Variants in NCKAP5 observed in about 807,000 individuals in gnomAD.
NCKAP5 encodes the protein NCK associated protein 5, also known as nck-associated protein 5.
NCKAP5 carries 92 observed loss-of-function variants against 167.0 expected under a neutral mutation model. The observed-to-expected ratio is 0.55, with a 90% CI of 0.47 to 0.66. The LOEUF (loss-of-function observed/expected upper bound fraction) is 0.66. Among genes scored for constraint, NCKAP5 ranks in the 30% least tolerant of loss-of-function variants. The probability of loss-of-function intolerance (pLI) is 0.00; values close to 1 mark genes in which losing one functional copy is unlikely to be tolerated. For synonymous variants in NCKAP5, 891 were observed against 877.4 expected (o/e 1.02, Z -0.27); for missense variants, 2,378 against 2,315.0 (o/e 1.03, Z -0.56).
chr2:133,177,991 C>A lies in NCKAP5; in HGVS notation c.207+35725G>T, dbSNP rs143026804. On this transcript the variant is annotated intron_variant, in intron 5 of 19. Transcript: ENST00000409261. ...GCCAAGTGGATGACAATAGCAAGGC[C>A]CTTCTTCCCATCCCAATAGGGGTGC... Among the ~76,000 whole-genome samples the A allele has an allele frequency of 1.7e-3, 264 of 152,248 alleles. 3 individuals carry two copies. Among genetic ancestry groups the A allele is most frequent in the Admixed American group, 4.3e-3 (66 of 15,288 alleles).
chr2:133,336,442 C>G (rs965764304), intron 3 of NCKAP5, among the ~76,000 whole-genome samples: 1 of 151,976 alleles, frequency 6.6e-6, no homozygotes, highest in Non-Finnish European at 1.5e-5. Context: ...GCACAAGGCT[C>G]GAGCTTCATG....
rs75372442 is a variant in NCKAP5, at chr2:133,205,240, C to A, written c.207+8476G>T. ...CCCAGGAGGCAGAAGTTGCAATGGG[C>A]CAGGTTGTGCCACTGCACTCCAGTC... On this transcript the variant is annotated intron_variant, in intron 5 of 19. Transcript: ENST00000409261. 4.4e-3 allele frequency among the ~76,000 whole-genome samples: 668 copies of A among 152,152 alleles called. 2 individuals are homozygous for A. Among genetic ancestry groups the A allele is most frequent in the African/African-American group, 0.015 (604 of 41,508 alleles).
In NCKAP5 at chr2:133,129,990, T is replaced by C. The variant is rs1335949366; in HGVS notation, c.329A>G (p.Gln110Arg). ...RNRIQMRSLQ[Q>R]QFSRMEETVR... ...CTAAGAACAATACCTGGAGAACTGC[T>C]GCTGCAAGCTACGCATCTGAATTCT... Residue 110 changes from glutamine (Q) to arginine (R), a missense_variant, in exon 6 of 20, where the codon CAG (glutamine) becomes CGG (arginine). By Grantham distance (43) the Gln-to-Arg change is conservative. This residue lies in a region of NCKAP5 where 1,049 missense variants were observed against 1,023.4 expected (regional missense o/e 1.02). Coordinates refer to ENST00000409261, the MANE Select transcript of NCKAP5 (RefSeq NM_207363.3). 1 of 1,606,884 alleles carries C rather than the reference T, an allele frequency of 6.2e-7. No individual in the cohort carries two copies. The highest frequency in any genetic ancestry group is 8.5e-7 in the Non-Finnish European group (1 of 1,177,764).
chr2:132,795,006 C>T (rs147112523), intron 12 of NCKAP5, among the ~76,000 whole-genome samples: 57 of 152,254 alleles, frequency 3.7e-4, no homozygotes, highest in Middle Eastern at 3.4e-3. Context: ...TATGATTGTT[C>T]CAATATTGTT....
At chr2:133,498,475 G>GC (rs1491226214) in intron 3 of NCKAP5, among the ~76,000 whole-genome samples, 19 of 137,476 alleles carry the variant, frequency 1.4e-4, no homozygotes, top group Middle Eastern at 3.5e-3. Flanking sequence ...AGGAAGGAAG[G>GC]AAGGAAGGCA....
intron 4 of NCKAP5, among the ~76,000 whole-genome samples, chr2:133,275,864 T>A (rs2089704650): frequency 6.7e-6 from 1 of 149,814 alleles, no homozygotes; most frequent in African/African-American, 2.5e-5. Flanking sequence ...ATGAGGGAGG[T>A]GAATAAATCA....
At chr2:132,874,103 ATTTTT>A (rs4057987) in intron 9 of NCKAP5, among the ~76,000 whole-genome samples, 52 of 113,142 alleles carry the variant, frequency 4.6e-4, no homozygotes, top group East Asian at 1.6e-3. Flanking sequence ...CAAGACCTTG[ATTTTT>A]TTTTTTTTTT....
intron 18 of NCKAP5, 107 bp downstream of exon 18, chr2:132,728,709 C>A: frequency 6.9e-7 from 1 of 1,447,782 alleles, no homozygotes; most frequent in Non-Finnish European, 9.4e-7. Context: ...AAACCAACAG[C>A]AAATTTCATT....
intron 11 of NCKAP5, among the ~76,000 whole-genome samples, chr2:132,810,711 GCCTTCTCTGAT>G (rs1558808520): frequency 2.0e-5 from 3 of 151,950 alleles, no homozygotes; most frequent in Non-Finnish European, 1.5e-5. Flanking sequence ...AGTGGACTTC[GCCTTCTCTGAT>G]CCCTCCCTGA....
chr2:133,652,883 C>T, the NCKAP5 span, among the ~76,000 whole-genome samples: 1 of 152,354 alleles, frequency 6.6e-6, no homozygotes. Flanking sequence ...TGACTTTGTT[C>T]TATCCCGGTA....
chr2:133,146,977 T>C (rs939769253), intron 5 of NCKAP5, among the ~76,000 whole-genome samples: 1 of 152,150 alleles, frequency 6.6e-6, no homozygotes, highest in African/African-American at 2.4e-5. Flanking sequence ...TTTTTATTAG[T>C]GGGTGATATT....
chr2:133,258,572 C>G (rs899670780), intron 4 of NCKAP5, among the ~76,000 whole-genome samples: 6 of 151,928 alleles, frequency 3.9e-5, no homozygotes, highest in African/African-American at 1.5e-4. Context: ...GGCAAAACCC[C>G]GTCTCTACAA....
intron 3 of NCKAP5, among the ~76,000 whole-genome samples, chr2:133,323,756 A>G (rs1682231503): frequency 1.3e-5 from 2 of 152,188 alleles, no homozygotes; most frequent in Admixed American, 1.3e-4. Context: ...CAGAGAGGTA[A>G]ATTGAACTTA....
chr2:133,421,651 T>C (rs1489979189), intron 3 of NCKAP5, among the ~76,000 whole-genome samples: 1 of 152,108 alleles, frequency 6.6e-6, no homozygotes, highest in African/African-American at 2.4e-5. Flanking sequence ...TCCATTATCT[T>C]CCCAGCCAGG....
intron 3 of NCKAP5, among the ~76,000 whole-genome samples, chr2:133,326,923 T>G (rs1405641196): frequency 6.6e-6 from 1 of 152,180 alleles, no homozygotes; most frequent in African/African-American, 2.4e-5. Context: ...AGAATCGGCT[T>G]CTAACATACT....
chr2:132,754,438 CAT>C (rs547229366), intron 16 of NCKAP5, among the ~76,000 whole-genome samples: 3 of 152,158 alleles, frequency 2.0e-5, no homozygotes, highest in Non-Finnish European at 4.4e-5. Context: ...CCAAAATAGT[CAT>C]GTTTATATCT....
At position 133,560,575 on chromosome 2, in the gene NCKAP5, A is replaced by G. The variant is rs563882615; in HGVS notation, c.-129-1458T>C. The stretch of plus-strand genomic sequence containing the variant: ...GTGGGGAGAAGAGAACCTTCCCCAG[A>G]AGGAGAGATTTGGGTGAATAAGAGG... On this transcript the variant is annotated intron_variant, in intron 1 of 19. Coordinates refer to ENST00000409261, the MANE Select transcript of NCKAP5 (RefSeq NM_207363.3). Among the ~76,000 whole-genome samples the G allele has an allele frequency of 2.6e-5, 4 of 152,248 alleles. No homozygotes were observed. The South Asian group carries it at 6.2e-4, about 24-fold the overall frequency.
intron 3 of NCKAP5, among the ~76,000 whole-genome samples, chr2:133,383,215 C>A (rs1197068379): frequency 6.6e-6 from 1 of 152,120 alleles, no homozygotes. Context: ...TCCCTCCCCA[C>A]TCCCTTCACC....
chr2:133,187,363 A>G (rs968662284), intron 5 of NCKAP5, among the ~76,000 whole-genome samples: 1 of 152,014 alleles, frequency 6.6e-6, no homozygotes, highest in African/African-American at 2.4e-5. Flanking sequence ...CTTGGAAAGC[A>G]CAATGTAAAA....
Sources: allele counts gnomAD v4.1 joint callset (sites outside exome capture counted in the v4.1 genomes callset), GRCh38; gene constraint gnomAD v4.1.1; regional missense constraint gnomAD v4.1.1; transcripts MANE v1.5; gene names NCBI Gene and HGNC (gene_info 2026-07-23, HGNC 2026-07-21).